SASH1: variants seen among roughly 807,000 people sequenced by gnomAD.
SASH1 encodes SAM and SH3 domain containing 1, also known as SAM and SH3 domain-containing protein 1.
A neutral mutation model predicts 125.2 loss-of-function variants in SASH1; 44 were observed. The observed-to-expected ratio is 0.35, with a 90% CI of 0.28 to 0.45. SASH1 has a LOEUF of 0.45. Ranked by LOEUF, SASH1 falls within the 20% of genes least tolerant of loss-of-function variation. SASH1 has a pLI of 1.00. For synonymous variants in SASH1, 639 were observed against 649.1 expected (o/e 0.98, Z 0.24); for missense variants, 1,426 against 1,614.5 (o/e 0.88, Z 2.00).
chr6:148,222,510 T>G, the SASH1 span, among the ~76,000 whole-genome samples: 1 of 151,954 alleles, frequency 6.6e-6, no homozygotes, highest in African/African-American at 2.4e-5. Flanking sequence ...CCCATAGAGC[T>G]GCTGAGATTT....
upstream of SASH1, among the ~76,000 whole-genome samples, chr6:148,270,087 G>C (rs1032242338): frequency 1.3e-5 from 2 of 152,224 alleles, no homozygotes; most frequent in Admixed American, 6.5e-5. Flanking sequence ...GTATTCAACG[G>C]GGCAGAATTT....
intron 1 of SASH1, among the ~76,000 whole-genome samples, chr6:148,380,990 T>G (rs1783109002): frequency 2.0e-5 from 3 of 152,236 alleles, no homozygotes; most frequent in Admixed American, 2.0e-4. Context: ...TAGTAAATAT[T>G]ATTTGAATTA....
At chr6:148,464,321 G>T (rs1777742878) in intron 4 of SASH1, among the ~76,000 whole-genome samples, 1 of 152,198 alleles carries the variant, frequency 6.6e-6, no homozygotes, top group Non-Finnish European at 1.5e-5. Flanking sequence ...AATACTTGAT[G>T]ATAATTAAAT....
chr6:148,386,054 G>T (rs1049281519), intron 1 of SASH1, among the ~76,000 whole-genome samples: 2 of 152,148 alleles, frequency 1.3e-5, no homozygotes, highest in South Asian at 2.1e-4. Context: ...CAGCCTTTGG[G>T]TTATGAGGCT....
At position 148,548,305 on chromosome 6, in the gene SASH1, G is replaced by A; in HGVS notation, c.3491G>A (p.Gly1164Asp). ...TCTTAATTTATCCAGATTCCAAGTGGTGGACTCACGGAAATCTGCCGAAAG... is the reference window on the plus strand; with the variant it reads ...TCTTAATTTATCCAGATTCCAAGTGATGGACTCACGGAAATCTGCCGAAAG... Reference protein sequence around the residue: ...RKQHRMAIPSGGLTEICRKPV... With the variant: ...RKQHRMAIPSDGLTEICRKPV... The change falls in exon 20 of 20, where the codon GGT becomes GAT. Residue 1164 changes from glycine (G) to aspartate (D), a missense_variant. Transcript: ENST00000367467. The A allele has an allele frequency of 6.2e-7, 1 of 1,611,920 alleles. No homozygotes were observed. The highest frequency in any genetic ancestry group is 8.5e-7 in the Non-Finnish European group (1 of 1,178,922).
In SASH1 at chr6:148,532,775, T is replaced by C; in HGVS notation, c.1565-22T>C. 1 of 1,613,222 alleles carries C rather than the reference T, an allele frequency of 6.2e-7. No individual in the cohort carries two copies. The highest frequency in any genetic ancestry group is 8.5e-7 in the Non-Finnish European group (1 of 1,179,420). On this transcript the variant is annotated intron_variant, in intron 13 of 19. Transcript: ENST00000367467. The surrounding 1 kb of genome is among the most constrained non-coding windows in gnomAD (Gnocchi z 4.7). ...GTGGGAAATCTGGATCTACCCGTGTTCTTCCTATGTTTCCTGTACAGGCGG... is the reference window on the plus strand; with the variant it reads ...GTGGGAAATCTGGATCTACCCGTGTCCTTCCTATGTTTCCTGTACAGGCGG...
intron 2 of SASH1, among the ~76,000 whole-genome samples, chr6:148,392,511 G>A (rs1056567589): frequency 3.9e-5 from 6 of 152,152 alleles, no homozygotes; most frequent in African/African-American, 1.4e-4. Context: ...CTCAGCAAGT[G>A]GTTGGGTACC....
chr6:148,487,225 A>G (rs978074940), intron 7 of SASH1, among the ~76,000 whole-genome samples: 3 of 151,134 alleles, frequency 2.0e-5, no homozygotes, highest in Admixed American at 1.3e-4. Flanking sequence ...TGACTTACAC[A>G]CTTGGAAAGG....
chr6:148,241,690 G>A, the SASH1 span, among the ~76,000 whole-genome samples: 1 of 152,172 alleles, frequency 6.6e-6, no homozygotes, highest in Non-Finnish European at 1.5e-5. Context: ...AGTTAAGAGG[G>A]CAGGTTCTGG....
At chr6:148,433,405 TC>T (rs1208289176) in intron 2 of SASH1, among the ~76,000 whole-genome samples, 1 of 133,034 alleles carries the variant, frequency 7.5e-6, no homozygotes, top group African/African-American at 3.2e-5. Context: ...GTTTCTTTTT[TC>T]TTTTTTTTTT....
At chr6:148,508,798 C>T (rs1458923215) in intron 8 of SASH1, 18 of 1,255,264 alleles carry the variant, frequency 1.4e-5, no homozygotes, top group East Asian at 5.8e-5. Flanking sequence ...AGAGTGAAGA[C>T]GCTCTCCGAG....
At chr6:148,202,814 C>T in the SASH1 span, among the ~76,000 whole-genome samples, 941 of 152,174 alleles carry the variant, frequency 6.2e-3, 5 homozygotes, top group African/African-American at 0.021. Context: ...ACTAGGCAGG[C>T]ATGGTGGCAT....
At chr6:148,445,622 GCTTTCTTTTTTCTT>G (rs1379896622) in intron 4 of SASH1, among the ~76,000 whole-genome samples, 2 of 152,170 alleles carry the variant, frequency 1.3e-5, no homozygotes, top group Non-Finnish European at 2.9e-5. Context: ...TGGCTGGACT[GCTTTCTTTTTTCTT>G]CTTTCTTTTT....
chr6:148,462,165 A>G (rs1194784590), intron 4 of SASH1, among the ~76,000 whole-genome samples: 3 of 152,244 alleles, frequency 2.0e-5, no homozygotes, highest in Non-Finnish European at 4.4e-5. Context: ...CAACTAATGG[A>G]GAAGTTGATT....
chr6:148,316,130 T>A (rs2128520163), intron 1 of SASH1, among the ~76,000 whole-genome samples: 1 of 152,324 alleles, frequency 6.6e-6, no homozygotes, highest in East Asian at 1.9e-4. Context: ...CTTTATTATT[T>A]TTCCAAATGA....
intron 2 of SASH1, among the ~76,000 whole-genome samples, chr6:148,392,426 G>T (rs934361876): frequency 1.3e-5 from 2 of 152,030 alleles, no homozygotes; most frequent in Non-Finnish European, 2.9e-5. Flanking sequence ...AACTAAGTAG[G>T]AACAGATAAT....
chr6:148,429,385 TAA>T lies in SASH1; in HGVS notation c.286-10773_286-10772del, dbSNP rs61460366. On this transcript the variant is annotated intron_variant, in intron 2 of 19. Transcript: ENST00000367467. ...GGTGACAGAGCAAGACCCTGTCTCT[TAA>T]AAAAAAAAAAAAAAAAAAAAAAAAA... Among the ~76,000 whole-genome samples, 437 of 73,908 alleles carry T rather than the reference TAA, an allele frequency of 5.9e-3. 9 individuals are homozygous for T. Among genetic ancestry groups the T allele is most frequent in the African/African-American group, 9.8e-3 (184 of 18,834 alleles). The allele number at this position is 73,908 out of a possible 152,430, so 48.5% of individuals were successfully genotyped here.
chr6:148,241,710 A>G, the SASH1 span, among the ~76,000 whole-genome samples: 1 of 152,180 alleles, frequency 6.6e-6, no homozygotes, highest in Non-Finnish European at 1.5e-5. Flanking sequence ...GAGCCACGCA[A>G]TTGGGGTTCA....
intron 4 of SASH1, among the ~76,000 whole-genome samples, chr6:148,455,346 T>C (rs1415388940): frequency 1.3e-5 from 2 of 152,212 alleles, no homozygotes; most frequent in African/African-American, 4.8e-5. Context: ...TGGCTTCTAC[T>C]CTGCATCGTA....
Sources: allele counts gnomAD v4.1 joint callset (sites outside exome capture counted in the v4.1 genomes callset), GRCh38; gene constraint gnomAD v4.1.1; non-coding constraint Gnocchi (gnomAD v3.1); transcripts MANE v1.5; gene names NCBI Gene and HGNC (gene_info 2026-07-23, HGNC 2026-07-21).